RBM6: variants seen among roughly 807,000 people sequenced by gnomAD.
RBM6 encodes RNA binding motif protein 6.
In RBM6, 23 loss-of-function variants were observed where a neutral mutation model predicts 140.4. The ratio of observed to expected loss-of-function variants is 0.16; its 90% CI spans 0.12 to 0.23. RBM6 has a LOEUF of 0.23. Among genes scored for constraint, RBM6 ranks in the 10% least tolerant of loss-of-function variants. The pLI is 1.00. For missense variants in RBM6, 1,139 were observed against 1,386.7 expected, an observed-to-expected ratio of 0.82 and a Z score of 2.84; for synonymous variants, 439 against 475.6, an observed-to-expected ratio of 0.92 and a Z score of 1.00.
At chr3:49,982,219 C>T (rs576001826) in intron 5 of RBM6, among the ~76,000 whole-genome samples, 11 of 146,258 alleles carry the variant, frequency 7.5e-5, no homozygotes, top group East Asian at 4.0e-4. Context: ...CTGAAAGTGA[C>T]GTTGTAGCAA....
chr3:50,008,011 A>G (rs1345295212), intron 6 of RBM6, among the ~76,000 whole-genome samples: 2 of 152,094 alleles, frequency 1.3e-5, no homozygotes, highest in Admixed American at 1.3e-4. Flanking sequence ...TAGGAGGATC[A>G]CTTGTGCCCA....
intron 6 of RBM6, among the ~76,000 whole-genome samples, chr3:50,044,554 G>T (rs1339274002): frequency 6.6e-6 from 1 of 151,206 alleles, no homozygotes; most frequent in Non-Finnish European, 1.5e-5. Flanking sequence ...CTGCACTCCA[G>T]CCTGGCGACA....
At chr3:50,025,779 C>G (rs781237138) in intron 6 of RBM6, among the ~76,000 whole-genome samples, 7 of 151,586 alleles carry the variant, frequency 4.6e-5, no homozygotes, top group Non-Finnish European at 1.0e-4. Flanking sequence ...GCTATTGATT[C>G]CCCCTGCTCT....
At chr3:49,976,427 G>A (rs908675929) in intron 5 of RBM6, among the ~76,000 whole-genome samples, 6 of 152,148 alleles carry the variant, frequency 3.9e-5, no homozygotes, top group Non-Finnish European at 8.8e-5. Flanking sequence ...TTCTCAGAGA[G>A]CCAATTATTT....
At chr3:50,070,312 G>A (rs1296921968) in intron 18 of RBM6, 143 bp from the exon 19 acceptor site, 12 of 615,016 alleles carry the variant, frequency 2.0e-5, no homozygotes, top group African/African-American at 7.5e-5. Context: ...CTGAGATCAC[G>A]CCAGTGTACT....
chr3:49,965,587 G>A (rs909118559), intron 2 of RBM6, among the ~76,000 whole-genome samples: 36 of 151,968 alleles, frequency 2.4e-4, no homozygotes, highest in Non-Finnish European at 4.3e-4. Context: ...GGAGAATGGC[G>A]TGAACCCGGG....
intron 6 of RBM6, among the ~76,000 whole-genome samples, chr3:50,000,515 GGT>G (rs1424461970): frequency 6.6e-6 from 1 of 151,004 alleles, no homozygotes; most frequent in Non-Finnish European, 1.5e-5. Flanking sequence ...CCACCTCCCT[GGT>G]TCAAGCGATT....
At chr3:49,980,564 A>G (rs895246808) in intron 5 of RBM6, among the ~76,000 whole-genome samples, 3 of 151,534 alleles carry the variant, frequency 2.0e-5, no homozygotes, top group Non-Finnish European at 2.9e-5. Context: ...GTTTGAGACC[A>G]GCCTGGCCAA....
intron 5 of RBM6, among the ~76,000 whole-genome samples, chr3:49,979,090 C>T (rs1033679353): frequency 1.3e-5 from 2 of 152,164 alleles, no homozygotes; most frequent in Non-Finnish European, 2.9e-5. Context: ...AGGATATATA[C>T]ACTACCATAA....
intron 6 of RBM6, among the ~76,000 whole-genome samples, chr3:50,027,658 T>C (rs1189070397): frequency 1.3e-5 from 2 of 152,252 alleles, no homozygotes; most frequent in Non-Finnish European, 2.9e-5. Flanking sequence ...ATCCATGTTA[T>C]ATGAATCAGT....
chr3:49,941,310 C>T (rs879922010), intron 1 of RBM6, among the ~76,000 whole-genome samples: 3 of 152,098 alleles, frequency 2.0e-5, no homozygotes, highest in Admixed American at 6.6e-5. Context: ...AGATACCTAA[C>T]CTGCAGGACA....
intron 2 of RBM6, among the ~76,000 whole-genome samples, chr3:49,965,252 T>TC (rs1428467972): frequency 1.3e-5 from 2 of 152,228 alleles, no homozygotes; most frequent in African/African-American, 4.8e-5. Flanking sequence ...ACCTCAGTCC[T>TC]CATCCCATGA....
At chr3:49,947,480 C>T (rs1235259521) in intron 1 of RBM6, among the ~76,000 whole-genome samples, 1 of 151,816 alleles carries the variant, frequency 6.6e-6, no homozygotes, top group Admixed American at 6.6e-5. Context: ...TTTAGGAGTC[C>T]TTTATACACT....
intron 6 of RBM6, among the ~76,000 whole-genome samples, chr3:50,045,855 A>G (rs554638185): frequency 1.5e-4 from 23 of 152,276 alleles, no homozygotes; most frequent in African/African-American, 5.5e-4. Flanking sequence ...TACTTTACAG[A>G]TGAGGAAATG....
chr3:49,979,721 G>C (rs2085218906), intron 5 of RBM6, among the ~76,000 whole-genome samples: 1 of 152,078 alleles, frequency 6.6e-6, no homozygotes. Flanking sequence ...CATTACAGGA[G>C]TGAGCCACTG....
chr3:49,988,225 A>G (rs1374011480), intron 5 of RBM6, among the ~76,000 whole-genome samples: 2 of 151,878 alleles, frequency 1.3e-5, no homozygotes, highest in Non-Finnish European at 2.9e-5. Context: ...TGTCTCTGCA[A>G]CCTCAATCTC....
chr3:49,975,421 G>C (rs1559543845), intron 5 of RBM6, 29 bp downstream of exon 5: 2 of 1,526,662 alleles, frequency 1.3e-6, no homozygotes, highest in African/African-American at 1.4e-5. Flanking sequence ...ATATGGCCTT[G>C]GGTTAGGAAG....
chr3:49,980,761 TA>T lies in RBM6; in HGVS notation c.1483+5388del, dbSNP rs1208250264. 7.2e-3 allele frequency among the ~76,000 whole-genome samples: 853 copies of T among 119,118 alleles called. 4 individuals are homozygous for T. Among genetic ancestry groups the T allele is most frequent in the African/African-American group, 0.019 (589 of 31,254 alleles). 78.1% of individuals were successfully genotyped at this position (119,118 alleles called of 152,430 possible). On this transcript the variant is annotated intron_variant, in intron 5 of 20. Coordinates refer to ENST00000266022, the MANE Select transcript of RBM6 (RefSeq NM_005777.3). The stretch of plus-strand genomic sequence containing the variant: ...TGGGCGACAGAGCAAGAATTCATCT[TA>T]AAAAAAAAAAAAAAAAAAGTTGAAC...
intron 19 of RBM6, among the ~76,000 whole-genome samples, chr3:50,074,446 C>T (rs1270425801): frequency 2.0e-5 from 3 of 152,020 alleles, no homozygotes; most frequent in Non-Finnish European, 1.5e-5. Context: ...CTCAGCCTCC[C>T]GAGTAGCTAG....
Sources: gnomAD v4.1 joint callset for allele counts (sites outside exome capture counted in the v4.1 genomes callset) on GRCh38, gnomAD v4.1.1 for gene constraint, MANE v1.5 for transcripts, NCBI Gene and HGNC (gene_info 2026-07-23, HGNC 2026-07-21) for gene names.